Variants in OLA1 observed in about 807,000 individuals in gnomAD.
OLA1 encodes the protein obg-like ATPase 1.
A neutral mutation model predicts 48.4 loss-of-function variants in OLA1; 14 were observed. That is an observed-to-expected ratio of 0.29 (90% CI 0.19 to 0.45). The LOEUF (loss-of-function observed/expected upper bound fraction) is 0.45. OLA1 is among the 20% of genes least tolerant of loss of function. The pLI, the probability that OLA1 is intolerant of heterozygous loss-of-function variation, is 1.00. For missense variants in OLA1, 325 were observed against 467.1 expected (o/e 0.70, Z 2.80); for synonymous variants, 127 against 150.4 (o/e 0.84, Z 1.14).
chr2:174,222,369 T>C (rs1415634117), intron 4 of OLA1, among the ~76,000 whole-genome samples: 1 of 152,196 alleles, frequency 6.6e-6, no homozygotes, highest in Non-Finnish European at 1.5e-5. Flanking sequence ...CTCTCACCTC[T>C]AACTTGTGTT....
At chr2:174,117,154 C>A (rs957276245) in intron 7 of OLA1, among the ~76,000 whole-genome samples, 3 of 152,018 alleles carry the variant, frequency 2.0e-5, no homozygotes, top group Admixed American at 2.0e-4. Context: ...TTCCTTAATC[C>A]AATAACAGAA....
At chr2:174,080,506 C>T (rs1684832720) in intron 9 of OLA1, among the ~76,000 whole-genome samples, 2 of 151,880 alleles carry the variant, frequency 1.3e-5, no homozygotes. Flanking sequence ...TTTCTATTGT[C>T]CTCTGGGAAT....
intron 4 of OLA1, among the ~76,000 whole-genome samples, chr2:174,193,091 CTTTT>C (rs34103927): frequency 7.2e-5 from 10 of 137,936 alleles, no homozygotes; most frequent in African/African-American, 2.7e-4. Flanking sequence ...TTCTTTCTTT[CTTTT>C]TTTTTTTTTT....
chr2:174,157,587 C>T (rs1304146895), intron 4 of OLA1, among the ~76,000 whole-genome samples: 2 of 152,084 alleles, frequency 1.3e-5, no homozygotes, highest in South Asian at 2.1e-4. Context: ...TGTTTAAATG[C>T]TTGGAAAATG....
chr2:174,163,137 G>A (rs1040315883), intron 4 of OLA1, among the ~76,000 whole-genome samples: 9 of 152,140 alleles, frequency 5.9e-5, no homozygotes, highest in Non-Finnish European at 1.3e-4. Context: ...ATGATTCCCA[G>A]CCCACTCCTT....
At chr2:174,220,237 G>A (rs940117715) in intron 4 of OLA1, among the ~76,000 whole-genome samples, 4 of 151,958 alleles carry the variant, frequency 2.6e-5, no homozygotes, top group South Asian at 2.1e-4. Context: ...CTTTTCCATC[G>A]CTCCTACTCC....
At chr2:174,089,394 A>T (rs751802159) in intron 7 of OLA1, among the ~76,000 whole-genome samples, 2 of 152,202 alleles carry the variant, frequency 1.3e-5, no homozygotes, top group African/African-American at 2.4e-5. Context: ...CCAACTGATA[A>T]ACTAGAGGCA....
In OLA1 at chr2:174,163,812, CA is replaced by C. The variant is rs1247949906; in HGVS notation, c.374-21813del. ...TGGGTGCCTGCTTAGAAAGCTGATC[CA>C]AAAAAAAAGTTTTTTCATTTAGAGT... On this transcript the variant is annotated intron_variant, in intron 4 of 10. Transcript: ENST00000284719. Among the ~76,000 whole-genome samples the C allele has an allele frequency of 2.3e-4, 24 of 102,992 alleles. 1 individual carries two copies. The highest frequency in any genetic ancestry group is 3.5e-4 in the Non-Finnish European group (18 of 50,872). 67.6% of individuals were successfully genotyped at this position (102,992 alleles called of 152,430 possible). A position where few individuals can be genotyped will look rare whatever the true frequency, so the allele number is the denominator to read the frequency against.
chr2:174,078,896 T>C, intron 10 of OLA1, 72 bp downstream of exon 10: 1 of 1,448,908 alleles, frequency 6.9e-7, no homozygotes, highest in Non-Finnish European at 9.4e-7. Flanking sequence ...ATAATTATCA[T>C]TCATTTTTAT....
rs191498520 is a variant in OLA1, at chr2:174,237,616, G to T, written c.102-8165C>A. Among the ~76,000 whole-genome samples the T allele has an allele frequency of 1.7e-3, 258 of 152,220 alleles. 3 individuals are homozygous for T. Among genetic ancestry groups the T allele is most frequent in the African/African-American group, 5.9e-3 (244 of 41,536 alleles). Reference sequence around the variant, plus strand: ...ATATCTTTTTAATTACTCAGGTGGGGTGGCGTGTGCCTGTAGTCACAGCTA... The same window carrying T: ...ATATCTTTTTAATTACTCAGGTGGGTTGGCGTGTGCCTGTAGTCACAGCTA... On this transcript the variant is annotated intron_variant, in intron 2 of 10. Transcript: ENST00000284719.
intron 4 of OLA1, among the ~76,000 whole-genome samples, chr2:174,192,745 ACATTCT>A (rs1412561387): frequency 6.6e-6 from 1 of 152,102 alleles, no homozygotes; most frequent in African/African-American, 2.4e-5. Context: ...TTTCTGAAAA[ACATTCT>A]CATTAGGCAC....
At chr2:174,161,601 G>A (rs1252835939) in intron 4 of OLA1, among the ~76,000 whole-genome samples, 1 of 151,260 alleles carries the variant, frequency 6.6e-6, no homozygotes, top group Non-Finnish European at 1.5e-5. Context: ...AGTGTTCGAG[G>A]CTGCAGTGAG....
rs1553490615 is a variant in OLA1 at position 174,219,006 on chromosome 2, T to TG, written c.373+4026dup. Among the ~76,000 whole-genome samples the TG allele has an allele frequency of 3.8e-4, 52 of 135,814 alleles. 1 individual carries two copies. Among genetic ancestry groups the TG allele is most frequent in the African/African-American group, 1.4e-3 (47 of 34,264 alleles). The allele number at this position is 135,814 out of a possible 152,430, so 89.1% of individuals were successfully genotyped here. The stretch of plus-strand genomic sequence containing the variant: ...CCGGCTAATTTTTTTTTTTTTTTTT[T>TG]GTAGCAATGTGGTCTCCCTGTGCTT... On this transcript the variant is annotated intron_variant, in intron 4 of 10. Coordinates refer to ENST00000284719, the MANE Select transcript of OLA1 (RefSeq NM_013341.5).
chr2:174,133,126 A>G (rs1197375454), intron 5 of OLA1, among the ~76,000 whole-genome samples: 1 of 152,150 alleles, frequency 6.6e-6, no homozygotes, highest in African/African-American at 2.4e-5. Context: ...CGTATACTAC[A>G]CTAACTTTTT....
chr2:174,161,680 ATAC>A (rs200243134), intron 4 of OLA1, among the ~76,000 whole-genome samples: 12,465 of 71,338 alleles, frequency 0.17, 1,315 homozygotes, highest in East Asian at 0.66. Flanking sequence ...AAAAAAAAAA[ATAC>A]ACACACACAC....
chr2:174,116,226 T>G (rs1335822421), intron 7 of OLA1, among the ~76,000 whole-genome samples: 11 of 152,190 alleles, frequency 7.2e-5, no homozygotes, highest in South Asian at 6.2e-4. Context: ...TTAAAACACA[T>G]TTTTAAAAAG....
chr2:174,166,375 G>T (rs530060905), intron 4 of OLA1, among the ~76,000 whole-genome samples: 1 of 152,250 alleles, frequency 6.6e-6, no homozygotes, highest in African/African-American at 2.4e-5. Flanking sequence ...ACAGATACCA[G>T]ATTTGAGCAA....
intron 4 of OLA1, among the ~76,000 whole-genome samples, chr2:174,176,205 A>T (rs1020791555): frequency 1.3e-5 from 2 of 152,106 alleles, no homozygotes; most frequent in African/African-American, 4.8e-5. Flanking sequence ...ATGTCTGGAG[A>T]AGACACCATA....
At chr2:174,206,680 C>CA (rs965766054) in intron 4 of OLA1, among the ~76,000 whole-genome samples, 7 of 152,134 alleles carry the variant, frequency 4.6e-5, no homozygotes, top group African/African-American at 1.7e-4. Context: ...TAGCTTGATA[C>CA]AATATTACAA....
Sources: allele counts gnomAD v4.1 joint callset (sites outside exome capture counted in the v4.1 genomes callset), GRCh38; gene constraint gnomAD v4.1.1; transcripts MANE v1.5; gene names NCBI Gene and HGNC (gene_info 2026-07-23, HGNC 2026-07-21).